TTBK2: variants seen among roughly 807,000 people sequenced by gnomAD.
The protein encoded by TTBK2 is tau tubulin kinase 2.
Under a neutral mutation model 110.8 loss-of-function variants are expected in TTBK2, and 28 were observed. The ratio of observed to expected loss-of-function variants is 0.25; its 90% CI spans 0.19 to 0.35. The LOEUF is 0.35. Among genes scored for constraint, TTBK2 ranks in the 10% least tolerant of loss-of-function variants. The pLI is 1.00. For synonymous variants in TTBK2, 532 were observed against 527.3 expected (o/e 1.01, Z -0.12); for missense variants, 1,369 against 1,500.3 (o/e 0.91, Z 1.45).
chr15:42,889,537 T>G (rs1343569960), intron 1 of TTBK2, among the ~76,000 whole-genome samples: 1 of 152,200 alleles, frequency 6.6e-6, no homozygotes, highest in Non-Finnish European at 1.5e-5. Flanking sequence ...GGACTAATGG[T>G]CTTTTCCCAA....
chr15:42,878,485 A>G, intron 2 of TTBK2, 64 bp downstream of exon 2: 1 of 1,521,054 alleles, frequency 6.6e-7, no homozygotes, highest in East Asian at 2.4e-5. Flanking sequence ...TTACCCCCCG[A>G]TATGTATACA....
chr15:42,752,863 T>C lies in TTBK2; in HGVS notation c.2383A>G (p.Arg795Gly). The change falls in exon 14 of 15, where the codon AGA becomes GGA. Residue 795 changes from arginine to glycine, a missense_variant. Around this residue, in one of 4 missense-constraint regions of TTBK2, gnomAD observed 1,097 missense variants for 1,114.7 expected, o/e 0.98. Transcript: ENST00000267890. ...GAGATCTCAATACAATGCTGCCCTCTACTTAACTTCTCATCTTCATTATCT... is the reference window on the plus strand; with the variant it reads ...GAGATCTCAATACAATGCTGCCCTCCACTTAACTTCTCATCTTCATTATCT... ...ESDNEDEKLS[R>G]GQHCIEISSL... 1.2e-6 allele frequency: 2 copies of C among 1,614,238 alleles called. No homozygotes were observed. The highest frequency in any genetic ancestry group is 1.7e-6 in the Non-Finnish European group (2 of 1,180,050).
intron 6 of TTBK2, 29 bp from the exon 7 acceptor site, chr15:42,817,126 A>G: frequency 6.3e-7 from 1 of 1,585,606 alleles, no homozygotes; most frequent in Non-Finnish European, 8.6e-7. Context: ...AAGAATAATA[A>G]ATGAGCTTCA....
chr15:42,792,094 G>A (rs963881428), intron 10 of TTBK2, among the ~76,000 whole-genome samples: 1 of 152,124 alleles, frequency 6.6e-6, no homozygotes, highest in African/African-American at 2.4e-5. Context: ...CCGAGATCAC[G>A]CCACTGCACT....
chr15:42,777,157 G>A lies in TTBK2; in HGVS notation c.1283C>T (p.Ser428Leu). 9 of 1,614,162 alleles carry A rather than the reference G, an allele frequency of 5.6e-6. No homozygotes were observed. The highest frequency in any genetic ancestry group is 7.6e-6 in the Non-Finnish European group (9 of 1,180,036). Reference protein sequence around the residue: ...PSLGSPIRVRSEITQPDRDIP... With the variant: ...PSLGSPIRVRLEITQPDRDIP... The stretch of plus-strand genomic sequence containing the variant: ...ATCTCTGTCTGGCTGAGTAATCTCT[G>A]AGCGGACACGAATTGGTGACCCAAG... The change falls in exon 12 of 15, where the codon TCA becomes TTA. Residue 428 changes from serine (S) to leucine (L), a missense_variant. Ser to Leu is a moderately radical substitution (Grantham distance 145). This residue lies in a region of TTBK2 where 1,097 missense variants were observed against 1,114.7 expected (regional missense o/e 0.98). Coordinates refer to ENST00000267890, the MANE Select transcript of TTBK2 (RefSeq NM_173500.4).
chr15:42,900,876 A>G (rs998878500), intron 1 of TTBK2, among the ~76,000 whole-genome samples: 4 of 152,186 alleles, frequency 2.6e-5, no homozygotes, highest in African/African-American at 9.7e-5. Flanking sequence ...TCTCCCATAC[A>G]TGGTCAAATG....
intron 6 of TTBK2, among the ~76,000 whole-genome samples, chr15:42,825,447 A>G (rs1892489795): frequency 6.6e-6 from 1 of 152,218 alleles, no homozygotes; most frequent in South Asian, 2.1e-4. Flanking sequence ...GTGGTGGCTC[A>G]TGCCTGTAAT....
intron 10 of TTBK2, 119 bp downstream of exon 10, chr15:42,794,525 C>T: frequency 1.4e-6 from 2 of 1,398,162 alleles, no homozygotes; most frequent in Non-Finnish European, 2.0e-6. Flanking sequence ...TCGAGGAGAT[C>T]CACAGGCTTT....
chr15:42,768,264 G>A (rs1310829861), intron 13 of TTBK2, among the ~76,000 whole-genome samples: 1 of 152,208 alleles, frequency 6.6e-6, no homozygotes, highest in Non-Finnish European at 1.5e-5. Context: ...TCTGGCCAGG[G>A]CAATCAGGCA....
intron 2 of TTBK2, among the ~76,000 whole-genome samples, 180 bp from the exon 3 acceptor site, chr15:42,872,938 T>C (rs1021543656): frequency 6.6e-6 from 1 of 152,136 alleles, no homozygotes; most frequent in Admixed American, 6.6e-5. Context: ...GAAAATAACA[T>C]CAAAACCTTT....
chr15:42,748,097 A>C (rs1326880992), intron 14 of TTBK2, among the ~76,000 whole-genome samples: 1 of 152,204 alleles, frequency 6.6e-6, no homozygotes, highest in Non-Finnish European at 1.5e-5. Context: ...AAGGCACTAC[A>C]ACCCAAGTTA....
chr15:42,816,087 T>TAC (rs1225591142), intron 7 of TTBK2, among the ~76,000 whole-genome samples: 1 of 37,546 alleles, frequency 2.7e-5, no homozygotes, highest in Non-Finnish European at 6.3e-5. Flanking sequence ...AATAAATAAA[T>TAC]ATATATATAT....
chr15:42,881,931 C>A (rs1219724576), intron 1 of TTBK2, among the ~76,000 whole-genome samples: 1 of 151,802 alleles, frequency 6.6e-6, no homozygotes, highest in Non-Finnish European at 1.5e-5. Flanking sequence ...TAAAATTTCA[C>A]TGGATGGGGT....
At chr15:42,855,552 T>A (rs916858278) in intron 3 of TTBK2, among the ~76,000 whole-genome samples, 1 of 152,052 alleles carries the variant, frequency 6.6e-6, no homozygotes, top group Non-Finnish European at 1.5e-5. Context: ...GATACGAAAT[T>A]TAAGCTTCAA....
chr15:42,811,724 C>T lies in TTBK2; in HGVS notation c.660G>A (p.Val220=), dbSNP rs1891730156. 1.9e-6 allele frequency: 3 copies of T among 1,613,566 alleles called. No individual in the cohort carries two copies. Among genetic ancestry groups the T allele is most frequent in the African/African-American group, 2.7e-5 (2 of 74,878 alleles). The change falls in exon 8 of 15, where the codon GTG becomes GTA. Residue 220 remains valine, a synonymous_variant. Coordinates refer to ENST00000267890, the MANE Select transcript of TTBK2 (RefSeq NM_173500.4). ...WSLFYMLVEF[V]VGQLPWRKIK... ...TTTTTCTCCAGGGCAGCTGACCAAC[C>T]ACAAACTCCACCAACATGTAGAATA...
intron 9 of TTBK2, among the ~76,000 whole-genome samples, chr15:42,799,851 A>AT (rs1159715585): frequency 6.6e-6 from 1 of 152,086 alleles, no homozygotes; most frequent in Non-Finnish European, 1.5e-5. Context: ...CAATACAATG[A>AT]TTTTTCAAAA....
intron 10 of TTBK2, among the ~76,000 whole-genome samples, chr15:42,790,353 C>A (rs1463935568): frequency 6.6e-6 from 1 of 150,426 alleles, no homozygotes; most frequent in African/African-American, 2.4e-5. Flanking sequence ...GGCGCGATCT[C>A]AGGTCACTGC....
chr15:42,837,357 C>CA (rs962772134), intron 4 of TTBK2, among the ~76,000 whole-genome samples: 938 of 56,044 alleles, frequency 0.017, 7 homozygotes, highest in African/African-American at 0.033. Flanking sequence ...GACTCCATCT[C>CA]AAAAAAAAAA....
intron 13 of TTBK2, among the ~76,000 whole-genome samples, chr15:42,765,054 G>T (rs1182044753): frequency 6.6e-6 from 1 of 152,204 alleles, no homozygotes; most frequent in Non-Finnish European, 1.5e-5. Context: ...ACTGTTAGAA[G>T]GAAAACTAAC....
Sources: allele counts gnomAD v4.1 joint callset (sites outside exome capture counted in the v4.1 genomes callset), GRCh38; gene constraint gnomAD v4.1.1; regional missense constraint gnomAD v4.1.1; transcripts MANE v1.5; gene names NCBI Gene and HGNC (gene_info 2026-07-23, HGNC 2026-07-21).